Variants in MAGI2 observed in about 807,000 individuals in gnomAD.
The protein encoded by MAGI2 is membrane-associated guanylate kinase, WW and PDZ domain-containing protein 2.
MAGI2 carries 35 observed loss-of-function variants against 133.3 expected under a neutral mutation model. The ratio of observed to expected loss-of-function variants is 0.26; its 90% CI spans 0.20 to 0.35. The LOEUF is 0.35. Among genes scored for constraint, MAGI2 ranks in the 10% least tolerant of loss-of-function variants. The probability of loss-of-function intolerance (pLI) is 1.00; values close to 1 mark genes in which losing one functional copy is unlikely to be tolerated. For missense variants in MAGI2, 1,636 were observed against 1,863.4 expected, an observed-to-expected ratio of 0.88 and a Z score of 2.25; for synonymous variants, 729 against 710.6, an observed-to-expected ratio of 1.03 and a Z score of -0.41.
intron 2 of MAGI2, among the ~76,000 whole-genome samples, chr7:78,752,169 T>C (rs548613677): frequency 3.0e-4 from 46 of 152,334 alleles, no homozygotes; most frequent in African/African-American, 1.1e-3. Flanking sequence ...CTATTTCTTA[T>C]CTAAAGACTG....
intron 6 of MAGI2, among the ~76,000 whole-genome samples, chr7:78,427,781 A>G (rs6959624): frequency 0.18 from 27,222 of 151,944 alleles, 3,331 homozygotes; most frequent in African/African-American, 0.35. Flanking sequence ...CCTATTTCCA[A>G]TCTCTCTGTA....
intron 6 of MAGI2, among the ~76,000 whole-genome samples, chr7:78,397,424 T>C (rs147247326): frequency 1.3e-5 from 2 of 150,290 alleles, no homozygotes; most frequent in Non-Finnish European, 3.0e-5. Context: ...GCCCAAACCA[T>C]CAATAAGTTC....
chr7:79,095,520 G>T (rs1021154546), intron 1 of MAGI2, among the ~76,000 whole-genome samples: 2 of 152,138 alleles, frequency 1.3e-5, no homozygotes, highest in African/African-American at 4.8e-5. Flanking sequence ...TAAGAGACAT[G>T]TGACTCTTCC....
intron 2 of MAGI2, among the ~76,000 whole-genome samples, chr7:78,936,489 A>T (rs980593174): frequency 6.6e-6 from 1 of 151,998 alleles, no homozygotes; most frequent in African/African-American, 2.4e-5. Flanking sequence ...AAAATAATAT[A>T]TATGTACTTT....
At chr7:78,665,395 C>G (rs1448298374) in intron 2 of MAGI2, among the ~76,000 whole-genome samples, 1 of 152,000 alleles carries the variant, frequency 6.6e-6, no homozygotes, top group African/African-American at 2.4e-5. Context: ...TCAAATGAAG[C>G]AGAGCAGAAA....
intron 1 of MAGI2, among the ~76,000 whole-genome samples, chr7:79,387,678 T>C (rs1258380898): frequency 1.3e-5 from 2 of 152,086 alleles, no homozygotes; most frequent in African/African-American, 4.8e-5. Context: ...ATTATCAACT[T>C]GGACTTTTCC....
chr7:78,204,633 T>G (rs1481876410), intron 10 of MAGI2, among the ~76,000 whole-genome samples: 1 of 152,204 alleles, frequency 6.6e-6, no homozygotes, highest in Non-Finnish European at 1.5e-5. Flanking sequence ...ATCTGACTCA[T>G]GTTTTTCGTA....
At chr7:78,770,602 C>T (rs894679885) in intron 2 of MAGI2, among the ~76,000 whole-genome samples, 1 of 152,182 alleles carries the variant, frequency 6.6e-6, no homozygotes, top group Admixed American at 6.5e-5. Flanking sequence ...AACACACATT[C>T]TGACTCAGAA....
At chr7:78,501,493 T>TC in intron 5 of MAGI2, 84 bp downstream of exon 5, 1 of 1,212,860 alleles carries the variant, frequency 8.2e-7, no homozygotes, top group Non-Finnish European at 1.2e-6. Context: ...TCTTTTTTTT[T>TC]TTTTTTCCAC....
Position 79,378,924 on chromosome 7 carries a change from GTGTATA to G in MAGI2, c.301+74090_301+74095del, listed in dbSNP as rs1181754453. On this transcript the variant is annotated intron_variant, in intron 1 of 21. Coordinates refer to ENST00000354212, the MANE Select transcript of MAGI2 (RefSeq NM_012301.4). ...TTCTTTTATATATATATATGTGTGT[GTGTATA>G]TATATATATATATATATATATATAT... 6.2e-3 allele frequency among the ~76,000 whole-genome samples: 300 copies of G among 48,072 alleles called. 2 individuals are homozygous for G. Among genetic ancestry groups the G allele is most frequent in the Middle Eastern group, 8.9e-3 (1 of 112 alleles). The allele number at this position is 48,072 out of a possible 152,430, so 31.5% of individuals were successfully genotyped here.
intron 3 of MAGI2, among the ~76,000 whole-genome samples, chr7:78,587,519 T>C (rs928400516): frequency 6.6e-6 from 1 of 152,260 alleles, no homozygotes; most frequent in Non-Finnish European, 1.5e-5. Flanking sequence ...GTTTCAGTTA[T>C]TGTTTTTTAA....
intron 10 of MAGI2, among the ~76,000 whole-genome samples, chr7:78,240,352 G>A (rs183590067): frequency 1.3e-4 from 20 of 151,688 alleles, no homozygotes; most frequent in African/African-American, 4.8e-4. Flanking sequence ...CATGGTGTAT[G>A]TGGTGCACTC....
chr7:78,291,171 T>C (rs991730796), intron 9 of MAGI2, among the ~76,000 whole-genome samples: 1 of 151,644 alleles, frequency 6.6e-6, no homozygotes, highest in Non-Finnish European at 1.5e-5. Context: ...TCAACAAAAC[T>C]GATAGACCGC....
intron 9 of MAGI2, among the ~76,000 whole-genome samples, chr7:78,311,235 T>C (rs189187352): frequency 4.9e-4 from 74 of 152,252 alleles, no homozygotes; most frequent in Non-Finnish European, 7.6e-4. Context: ...GCAATCCCCA[T>C]GGTCAGTAGA....
intron 20 of MAGI2, among the ~76,000 whole-genome samples, chr7:78,118,124 T>C (rs186601675): frequency 8.5e-4 from 130 of 152,234 alleles, no homozygotes; most frequent in South Asian, 6.8e-3. Flanking sequence ...CAACAAATGG[T>C]ACTGGAACAA....
intron 7 of MAGI2, chr7:78,353,007 A>C (rs1483931967): frequency 6.6e-6 from 1 of 152,224 alleles, no homozygotes; most frequent in Non-Finnish European, 1.5e-5. Context: ...ATTCAGAGCC[A>C]CTAGGCATGC....
chr7:79,129,028 G>A (rs535319079), intron 1 of MAGI2, among the ~76,000 whole-genome samples: 8 of 152,004 alleles, frequency 5.3e-5, no homozygotes, highest in East Asian at 1.9e-4. Flanking sequence ...GCACCACCAC[G>A]CTCAGCTAAT....
chr7:78,429,546 T>C (rs1383911906), intron 6 of MAGI2, among the ~76,000 whole-genome samples: 1 of 152,144 alleles, frequency 6.6e-6, no homozygotes, highest in Non-Finnish European at 1.5e-5. Flanking sequence ...CTTGGCCTCA[T>C]TCACACCACA....
chr7:78,504,854 A>G (rs201412265), intron 4 of MAGI2, among the ~76,000 whole-genome samples: 16 of 152,188 alleles, frequency 1.1e-4, no homozygotes, highest in Non-Finnish European at 1.8e-4. Flanking sequence ...TTTAAAATCA[A>G]TGAATATCTA....
Sources: gnomAD v4.1 joint callset for allele counts (sites outside exome capture counted in the v4.1 genomes callset) on GRCh38, gnomAD v4.1.1 for gene constraint, MANE v1.5 for transcripts, NCBI Gene and HGNC (gene_info 2026-07-23, HGNC 2026-07-21) for gene names.